KIAA2012: variants seen among roughly 807,000 people sequenced by gnomAD.
The protein encoded by KIAA2012 is uncharacterized protein KIAA2012.
Under a neutral mutation model 150.6 loss-of-function variants are expected in KIAA2012, and 125 were observed. The observed-to-expected ratio is 0.83, with a 90% confidence interval of 0.72 to 0.96. The LOEUF is 0.96. Ranked by LOEUF, KIAA2012 falls within the 40% of genes least tolerant of loss-of-function variation. KIAA2012 has a pLI of 0.00. For synonymous variants in KIAA2012, 462 were observed against 504.7 expected (o/e 0.92, Z 1.13); for missense variants, 1,219 against 1,354.9 (o/e 0.90, Z 1.57).
intron 13 of KIAA2012, among the ~76,000 whole-genome samples, chr2:202,143,368 G>T (rs573621922): frequency 3.3e-5 from 5 of 151,548 alleles, no homozygotes; most frequent in African/African-American, 4.9e-5. Context: ...TGACAGGCGT[G>T]AGCCACCGTG....
At position 202,146,260 on chromosome 2, in the gene KIAA2012, T is replaced by C. The variant is rs902967153; in HGVS notation, c.1908+7752T>C. Among the ~76,000 whole-genome samples the C allele has an allele frequency of 4.3e-4, 66 of 152,188 alleles. 1 individual carries two copies. Among genetic ancestry groups the C allele is most frequent in the African/African-American group, 1.6e-3 (65 of 41,530 alleles). ...GCTCACATCCATAATCCCAGCACTTTGGGAGACCAAGGCTGGAGGATTACT... is the reference window on the plus strand; with the variant it reads ...GCTCACATCCATAATCCCAGCACTTCGGGAGACCAAGGCTGGAGGATTACT... On this transcript the variant is annotated intron_variant, in intron 13 of 23. Transcript: ENST00000498697.
chr2:202,201,840 T>C, intron 22 of KIAA2012: 1 of 1,286,354 alleles, frequency 7.8e-7, no homozygotes, highest in Non-Finnish European at 1.1e-6. Context: ...CCCAGGAGGC[T>C]GCACAGGCTA....
intron 14 of KIAA2012, among the ~76,000 whole-genome samples, chr2:202,163,373 A>T (rs1043545636): frequency 6.6e-6 from 1 of 152,190 alleles, no homozygotes; most frequent in East Asian, 1.9e-4. Context: ...AAGTGCTGGG[A>T]TTACAGGCGT....
chr2:202,200,624 C>T (rs1329565792), intron 22 of KIAA2012, among the ~76,000 whole-genome samples: 4 of 151,142 alleles, frequency 2.6e-5, no homozygotes, highest in Non-Finnish European at 5.9e-5. Context: ...GGAAAAGGCA[C>T]ACACTAATGC....
In KIAA2012 at chr2:202,201,799, A is replaced by C. The variant is rs1383744847; in HGVS notation, c.3408-630A>C. ...GCATCAGTATAGGGTAGAGCCTGAG[A>C]AAGATGCAAGGTCTGAGGGTAGACT... On this transcript the variant is annotated intron_variant, in intron 22 of 23. Coordinates refer to ENST00000498697, the MANE Select transcript of KIAA2012 (RefSeq NM_001277372.4). 5 of 1,306,558 alleles carry C rather than the reference A, an allele frequency of 3.8e-6. No individual in the cohort carries two copies. The East Asian group carries it at 1.2e-4, about 30-fold the overall frequency. The allele number at this position is 1,306,558 out of a possible 1,614,324, so 80.9% of individuals were successfully genotyped here. A position where few individuals can be genotyped will look rare whatever the true frequency, so the allele number is the denominator to read the frequency against.
chr2:202,075,870 T>C (rs1045336832), intron 2 of KIAA2012, among the ~76,000 whole-genome samples: 3 of 152,254 alleles, frequency 2.0e-5, no homozygotes, highest in African/African-American at 7.2e-5. Context: ...TGACTTTTCA[T>C]TCCCCACAAA....
intron 5 of KIAA2012, among the ~76,000 whole-genome samples, chr2:202,097,842 A>G (rs1033011153): frequency 6.6e-5 from 10 of 152,222 alleles, no homozygotes; most frequent in African/African-American, 2.4e-4. Context: ...TGCTGGCTTC[A>G]GCCTCCCAAA....
At chr2:202,172,758 A>T (rs1031631177) in intron 15 of KIAA2012, among the ~76,000 whole-genome samples, 2 of 152,202 alleles carry the variant, frequency 1.3e-5, no homozygotes, top group African/African-American at 4.8e-5. Flanking sequence ...TGTGGAGAAA[A>T]CAGGGAGACC....
rs1574313372 is a variant in KIAA2012, at chr2:202,187,071, C to G, written c.2349C>G (p.Ser783Arg). 1 of 1,550,566 alleles carries G rather than the reference C, an allele frequency of 6.4e-7. No homozygotes were observed. Among genetic ancestry groups the G allele is most frequent in the African/African-American group, 1.4e-5 (1 of 73,160 alleles). ...REGKAEPRLF[S>R]QETSANISHE... is the part of the protein sequence containing the mutation. ...GGAAGGCTGAACCAAGACTGTTTAG[C>G]CAGGAGACATCAGCCAACATCAGTC... Residue 783 changes from serine to arginine, a missense_variant, in exon 17 of 24, where the codon AGC (serine) becomes AGG (arginine). Physicochemically the swap from Ser to Arg is moderately radical, Grantham distance 110. Coordinates refer to ENST00000498697, the MANE Select transcript of KIAA2012 (RefSeq NM_001277372.4).
intron 4 of KIAA2012, among the ~76,000 whole-genome samples, chr2:202,096,097 C>A (rs1409424679): frequency 2.6e-5 from 4 of 151,618 alleles, no homozygotes; most frequent in Non-Finnish European, 4.4e-5. Flanking sequence ...CACCCCCCAC[C>A]CAAAAAAAAA....
intron 15 of KIAA2012, among the ~76,000 whole-genome samples, chr2:202,182,034 A>G (rs1692130547): frequency 6.6e-6 from 1 of 151,662 alleles, no homozygotes; most frequent in African/African-American, 2.4e-5. Flanking sequence ...GTTTTCTGTC[A>G]CTATAGATTA....
chr2:202,139,002 T>C (rs1417906834), intron 13 of KIAA2012, among the ~76,000 whole-genome samples: 2 of 152,094 alleles, frequency 1.3e-5, no homozygotes, highest in Non-Finnish European at 2.9e-5. Context: ...TTTGCGAGGC[T>C]GAGGCAGGCA....
intron 22 of KIAA2012, among the ~76,000 whole-genome samples, chr2:202,199,476 C>A (rs1413642022): frequency 6.6e-6 from 1 of 151,944 alleles, no homozygotes; most frequent in African/African-American, 2.4e-5. Flanking sequence ...ATTTTCAAAT[C>A]TTCAAAATAG....
In KIAA2012 at chr2:202,130,005, C is replaced by T. The variant is rs565437607; in HGVS notation, c.1831+4723C>T. ...TAATTCATTATAACATCTGCAATAG[C>T]TCTTGTGCAGTTACTTTTCAAACAG... On this transcript the variant is annotated intron_variant, in intron 12 of 23. Coordinates refer to ENST00000498697, the MANE Select transcript of KIAA2012 (RefSeq NM_001277372.4). Among the ~76,000 whole-genome samples, 13 of 152,200 alleles carry T rather than the reference C, an allele frequency of 8.5e-5. 1 individual carries two copies. In the South Asian group the frequency reaches 1.5e-3, roughly 17 times the overall value.
chr2:202,155,916 C>G (rs1421343338), intron 14 of KIAA2012, among the ~76,000 whole-genome samples: 1 of 152,140 alleles, frequency 6.6e-6, no homozygotes, highest in Non-Finnish European at 1.5e-5. Context: ...GCTTCTATTT[C>G]CCAGGTCATT....
intron 22 of KIAA2012, among the ~76,000 whole-genome samples, chr2:202,199,920 A>ATTTTTTTTTTTT (rs71025287): frequency 1.3e-5 from 1 of 76,270 alleles, no homozygotes; most frequent in Non-Finnish European, 2.3e-5. Flanking sequence ...GCCCCTCATA[A>ATTTTTTTTTTTT]TTTTTTTTTT....
At chr2:202,112,895 A>G (rs1416076754) in intron 10 of KIAA2012, among the ~76,000 whole-genome samples, 1 of 152,118 alleles carries the variant, frequency 6.6e-6, no homozygotes, top group East Asian at 1.9e-4. Context: ...TATTTCATCT[A>G]GAGGTTCTGG....
intron 11 of KIAA2012, among the ~76,000 whole-genome samples, chr2:202,123,014 C>T (rs563060034): frequency 6.6e-6 from 1 of 152,136 alleles, no homozygotes; most frequent in Non-Finnish European, 1.5e-5. Flanking sequence ...AAAATAGATC[C>T]CCATGCCATG....
At chr2:202,079,651 A>G (rs1176729503) in intron 2 of KIAA2012, among the ~76,000 whole-genome samples, 1 of 152,240 alleles carries the variant, frequency 6.6e-6, no homozygotes, top group East Asian at 1.9e-4. Flanking sequence ...TGTTAAGTCA[A>G]GAAATCAGAG....
Sources: gnomAD v4.1 joint callset for allele counts (sites outside exome capture counted in the v4.1 genomes callset) on GRCh38, gnomAD v4.1.1 for gene constraint, MANE v1.5 for transcripts, NCBI Gene and HGNC (gene_info 2026-07-23, HGNC 2026-07-21) for gene names.